Variants in ZNF385D observed in about 807,000 individuals in gnomAD.
ZNF385D encodes zinc finger protein 659.
A neutral mutation model predicts 35.8 loss-of-function variants in ZNF385D; 15 were observed. The observed-to-expected ratio is 0.42, with a 90% CI of 0.28 to 0.64. The LOEUF is 0.64. ZNF385D is among the 30% of genes least tolerant of loss of function. The pLI is 0.23. For missense variants in ZNF385D, 474 were observed against 494.6 expected, an observed-to-expected ratio of 0.96 and a Z score of 0.39; for synonymous variants, 212 against 186.8, an observed-to-expected ratio of 1.13 and a Z score of -1.10.
intron 2 of ZNF385D, among the ~76,000 whole-genome samples, chr3:21,590,705 G>C (rs147210257): frequency 6.6e-6 from 1 of 152,004 alleles, no homozygotes; most frequent in African/African-American, 2.4e-5. Context: ...GAGATGAGCG[G>C]AGGATGTAGT....
intron 3 of ZNF385D, among the ~76,000 whole-genome samples, chr3:21,981,464 A>T: frequency 6.6e-6 from 1 of 152,124 alleles, no homozygotes; most frequent in East Asian, 1.9e-4. Context: ...GCTGGATGTT[A>T]CACCTTTGTC....
chr3:22,221,812 G>A (rs933003971), intron 2 of ZNF385D, among the ~76,000 whole-genome samples: 1 of 149,674 alleles, frequency 6.7e-6, no homozygotes, highest in Non-Finnish European at 1.5e-5. Flanking sequence ...TCTTTGTGTG[G>A]TTAAGTTTTG....
At chr3:21,558,695 A>G in intron 3 of ZNF385D, among the ~76,000 whole-genome samples, 1 of 152,108 alleles carries the variant, frequency 6.6e-6, no homozygotes, top group African/African-American at 2.4e-5. Flanking sequence ...AGTTCTGAAT[A>G]TCTTTGTTAA....
At chr3:21,441,656 G>T (rs2125246938) in intron 4 of ZNF385D, 1 of 983,670 alleles carries the variant, frequency 1.0e-6, no homozygotes, top group African/African-American at 1.7e-5. Flanking sequence ...AAGGAGGAAA[G>T]AAAAGGAAAA....
chr3:21,642,645 C>T (rs561658485), intron 2 of ZNF385D, among the ~76,000 whole-genome samples: 1 of 152,080 alleles, frequency 6.6e-6, no homozygotes, highest in East Asian at 1.9e-4. Context: ...CATATATTTG[C>T]ACACAAATGT....
chr3:22,012,711 T>C (rs929859741), intron 3 of ZNF385D, among the ~76,000 whole-genome samples: 1 of 152,134 alleles, frequency 6.6e-6, no homozygotes, highest in Non-Finnish European at 1.5e-5. Flanking sequence ...GGAAACTTCA[T>C]GAGTTCCCAA....
Position 22,210,134 on chromosome 3 carries a change from G to A in ZNF385D, c.107-41099C>T, listed in dbSNP as rs1042359840. On this transcript the variant is annotated intron_variant, in intron 2 of 5. Transcript: ENST00000494108. ...AGTCCCAGGAAAAGATTGTGTGGAA[G>A]GCAAGTGAAAGAGTCATTGTATGAT... is the stretch of plus-strand genomic sequence containing the variant. 1.1e-4 allele frequency among the ~76,000 whole-genome samples: 16 copies of A among 151,764 alleles called. 1 individual carries two copies. The highest frequency in any genetic ancestry group is 9.9e-4 in the Admixed American group (15 of 15,174).
chr3:21,634,917 G>A (rs749948041), intron 2 of ZNF385D, among the ~76,000 whole-genome samples: 82 of 151,878 alleles, frequency 5.4e-4, no homozygotes, highest in Admixed American at 9.2e-4. Context: ...TGTGAGTCAA[G>A]CAAATGAATT....
At position 21,948,059 on chromosome 3, in the gene ZNF385D, TTC is replaced by T. The variant is rs553123980; in HGVS notation, c.325+220756_325+220757del. Among the ~76,000 whole-genome samples the T allele has an allele frequency of 4.8e-3, 738 of 152,294 alleles. 6 individuals are homozygous for T. Among genetic ancestry groups the T allele is most frequent in the African/African-American group, 0.015 (623 of 41,580 alleles). On this transcript the variant is annotated intron_variant, in intron 3 of 5. Transcript: ENST00000494108. ...ATAAATTTATGTCTGATTCTGGACTTTCTGTTATAATTTACTAATTAATGTAC... is the reference window on the plus strand; with the variant it reads ...ATAAATTTATGTCTGATTCTGGACTTTGTTATAATTTACTAATTAATGTAC...
intron 2 of ZNF385D, among the ~76,000 whole-genome samples, chr3:22,311,094 G>A (rs993558672): frequency 6.6e-6 from 1 of 151,812 alleles, no homozygotes; most frequent in Non-Finnish European, 1.5e-5. Flanking sequence ...ATAGGCAATA[G>A]AGAAGATGAA....
At chr3:22,036,332 C>G (rs567179285) in intron 3 of ZNF385D, among the ~76,000 whole-genome samples, 43 of 152,194 alleles carry the variant, frequency 2.8e-4, no homozygotes, top group African/African-American at 1.0e-3. Context: ...GTAGCTGTGA[C>G]CAGAAAGATA....
intron 3 of ZNF385D, among the ~76,000 whole-genome samples, chr3:22,121,714 G>C (rs1474881364): frequency 6.6e-6 from 1 of 151,066 alleles, no homozygotes; most frequent in African/African-American, 2.4e-5. Flanking sequence ...AGAATTGCTG[G>C]GTAAACACAA....
chr3:21,950,860 T>G (rs527517), intron 3 of ZNF385D, among the ~76,000 whole-genome samples: 39,596 of 151,226 alleles, frequency 0.26, 6,195 homozygotes, highest in Admixed American at 0.41. Flanking sequence ...GGTTGTAGAT[T>G]TGTGGCATTA....
At chr3:21,988,720 T>C (rs1221408609) in intron 3 of ZNF385D, among the ~76,000 whole-genome samples, 3 of 151,858 alleles carry the variant, frequency 2.0e-5, no homozygotes, top group South Asian at 4.2e-4. Context: ...CCTGGCTGCT[T>C]TGTTTACCTA....
At chr3:21,679,927 A>T (rs2066848056) in intron 1 of ZNF385D, among the ~76,000 whole-genome samples, 1 of 152,118 alleles carries the variant, frequency 6.6e-6, no homozygotes, top group Admixed American at 6.6e-5. Context: ...CTGGAAAGTG[A>T]TCAACCAAGA....
intron 2 of ZNF385D, among the ~76,000 whole-genome samples, chr3:22,173,488 T>C (rs1694604844): frequency 6.6e-6 from 1 of 152,166 alleles, no homozygotes. Context: ...TTAATATTTT[T>C]TAAAATTTGG....
chr3:22,284,290 G>C (rs1701915822), intron 2 of ZNF385D, among the ~76,000 whole-genome samples: 1 of 152,116 alleles, frequency 6.6e-6, no homozygotes, highest in Non-Finnish European at 1.5e-5. Flanking sequence ...CCAGGTTCAA[G>C]CAATTCCTCT....
intron 3 of ZNF385D, among the ~76,000 whole-genome samples, chr3:21,757,465 C>A (rs1202664874): frequency 6.6e-6 from 1 of 152,080 alleles, no homozygotes; most frequent in Non-Finnish European, 1.5e-5. Flanking sequence ...ATATGTGACT[C>A]TTTCTAATTT....
chr3:21,722,996 C>G (rs1559553096), intron 1 of ZNF385D, among the ~76,000 whole-genome samples: 1 of 152,170 alleles, frequency 6.6e-6, no homozygotes, highest in Non-Finnish European at 1.5e-5. Flanking sequence ...GTCACCCAGC[C>G]ATGTGCTTCC....
Sources: allele counts gnomAD v4.1 joint callset (sites outside exome capture counted in the v4.1 genomes callset), GRCh38; gene constraint gnomAD v4.1.1; transcripts MANE v1.5; gene names NCBI Gene and HGNC (gene_info 2026-07-23, HGNC 2026-07-21).